CLVS1: variants seen among roughly 807,000 people sequenced by gnomAD.
The protein encoded by CLVS1 is clavesin 1.
In CLVS1, 10 loss-of-function variants were observed where a neutral mutation model predicts 33.1. That is an observed-to-expected ratio of 0.30 (90% CI 0.19 to 0.51). CLVS1 has a LOEUF of 0.51. Ranked by LOEUF, CLVS1 falls within the 20% of genes least tolerant of loss-of-function variation. CLVS1 has a pLI of 0.97. For missense variants in CLVS1, 343 were observed against 433.4 expected, an observed-to-expected ratio of 0.79 and a Z score of 1.85; for synonymous variants, 163 against 166.1, an observed-to-expected ratio of 0.98 and a Z score of 0.14.
intron 2 of CLVS1, among the ~76,000 whole-genome samples, chr8:61,216,229 G>C (rs1241811361): frequency 1.3e-5 from 2 of 152,146 alleles, no homozygotes; most frequent in African/African-American, 4.8e-5. Context: ...TGTTGAAATC[G>C]TTAAGAGCTC....
intron 2 of CLVS1, among the ~76,000 whole-genome samples, chr8:61,141,738 A>G (rs1681835419): frequency 6.6e-6 from 1 of 152,212 alleles, no homozygotes; most frequent in African/African-American, 2.4e-5. Flanking sequence ...ATCTGATTCC[A>G]CATTTCACTT....
intron 5 of CLVS1, among the ~76,000 whole-genome samples, chr8:61,491,108 T>A (rs1804062277): frequency 1.3e-5 from 2 of 152,166 alleles, no homozygotes; most frequent in Non-Finnish European, 2.9e-5. Context: ...TTAAAGCAAA[T>A]GTTGAGATAG....
intron 2 of CLVS1, among the ~76,000 whole-genome samples, chr8:61,336,522 G>A (rs929228820): frequency 1.3e-5 from 2 of 152,110 alleles, no homozygotes; most frequent in African/African-American, 4.8e-5. Context: ...TGGTACAATA[G>A]AAGTGAGCAG....
the CLVS1 span, among the ~76,000 whole-genome samples, chr8:61,000,444 A>C: frequency 6.6e-6 from 1 of 152,182 alleles, no homozygotes; most frequent in Non-Finnish European, 1.5e-5. Context: ...GTTCATGGGC[A>C]AGATGTTGCT....
At chr8:61,120,161 G>A (rs1160981792) in intron 1 of CLVS1, among the ~76,000 whole-genome samples, 116 of 145,226 alleles carry the variant, frequency 8.0e-4, no homozygotes, top group Admixed American at 3.8e-3. Flanking sequence ...CCAGTTGATC[G>A]CATCGGCTCC....
intron 1 of CLVS1, chr8:61,090,746 C>G (rs550343506): frequency 9.6e-5 from 40 of 415,850 alleles, no homozygotes; most frequent in African/African-American, 5.8e-4. Flanking sequence ...GAGCATAAAA[C>G]TTGTTTCCTA....
chr8:61,162,372 G>A (rs954983440), intron 2 of CLVS1, among the ~76,000 whole-genome samples: 1 of 152,214 alleles, frequency 6.6e-6, no homozygotes, highest in African/African-American at 2.4e-5. Flanking sequence ...CAGGGAGTGA[G>A]GGAAAATTGT....
At chr8:61,091,148 A>G (rs1273272090) in intron 1 of CLVS1, among the ~76,000 whole-genome samples, 1 of 152,192 alleles carries the variant, frequency 6.6e-6, no homozygotes, top group Non-Finnish European at 1.5e-5. Flanking sequence ...TGGTCCTTAC[A>G]GGAGGGATGC....
the CLVS1 span, among the ~76,000 whole-genome samples, chr8:60,994,862 A>G: frequency 1.3e-5 from 2 of 152,070 alleles, no homozygotes; most frequent in Non-Finnish European, 2.9e-5. Flanking sequence ...AACGCTGCAT[A>G]TCTACAACTA....
At chr8:61,172,809 C>A (rs1471299091) in intron 2 of CLVS1, among the ~76,000 whole-genome samples, 1 of 152,166 alleles carries the variant, frequency 6.6e-6, no homozygotes, top group Non-Finnish European at 1.5e-5. Context: ...GCTCTCCCAT[C>A]TTTAGTGTGT....
intron 3 of CLVS1, among the ~76,000 whole-genome samples, chr8:61,434,484 AAGGTGGT>A (rs1250618559): frequency 1.3e-5 from 2 of 152,214 alleles, no homozygotes; most frequent in African/African-American, 4.8e-5. Flanking sequence ...ACATGTGCCC[AAGGTGGT>A]TGGGGTATAG....
intron 3 of CLVS1, among the ~76,000 whole-genome samples, chr8:61,438,174 C>T (rs1816410981): frequency 6.6e-6 from 1 of 152,120 alleles, no homozygotes; most frequent in Non-Finnish European, 1.5e-5. Flanking sequence ...GCTCTCTGCT[C>T]GCACCCCCAA....
chr8:61,320,416 A>G (rs1188824764), intron 2 of CLVS1, among the ~76,000 whole-genome samples: 1 of 152,160 alleles, frequency 6.6e-6, no homozygotes, highest in African/African-American at 2.4e-5. Flanking sequence ...TTTCAATGAC[A>G]ATACTGGTTA....
chr8:61,288,786 A>T (rs1277853170), intron 1 of CLVS1, among the ~76,000 whole-genome samples: 2 of 152,214 alleles, frequency 1.3e-5, no homozygotes, highest in Non-Finnish European at 2.9e-5. Flanking sequence ...GGTGGGGGTG[A>T]CCGATGACTC....
chr8:61,165,332 T>C (rs1033659622), intron 2 of CLVS1, among the ~76,000 whole-genome samples: 3 of 152,196 alleles, frequency 2.0e-5, no homozygotes, highest in African/African-American at 4.8e-5. Flanking sequence ...CAAGATTTAA[T>C]AGAGTGAAAT....
chr8:61,162,397 T>G (rs758214010), intron 2 of CLVS1, among the ~76,000 whole-genome samples: 3 of 152,206 alleles, frequency 2.0e-5, no homozygotes, highest in Non-Finnish European at 4.4e-5. Flanking sequence ...GCCTCATAGA[T>G]TTGGCATAGC....
Position 61,446,360 on chromosome 8 carries a change from T to C in CLVS1, c.631-7781T>C, listed in dbSNP as rs1484822738. Among the ~76,000 whole-genome samples, 5 of 152,336 alleles carry C rather than the reference T, an allele frequency of 3.3e-5. No homozygotes were observed. In the East Asian group the frequency reaches 9.6e-4, roughly 29 times the overall value. On this transcript the variant is annotated intron_variant, in intron 3 of 5. Coordinates refer to ENST00000325897, the MANE Select transcript of CLVS1 (RefSeq NM_173519.3). ...ACAAATTTTGATATGTCCTATGTCT[T>C]GATCTGTTTTCTGTTGTTATAACAA...
chr8:61,394,428 G>A (rs1396742870), intron 3 of CLVS1, among the ~76,000 whole-genome samples: 1 of 152,138 alleles, frequency 6.6e-6, no homozygotes, highest in East Asian at 1.9e-4. Flanking sequence ...AGCTAGAAGA[G>A]CATGTAGAGA....
At chr8:61,091,480 C>A (rs999967184) in intron 1 of CLVS1, among the ~76,000 whole-genome samples, 16 of 152,290 alleles carry the variant, frequency 1.1e-4, no homozygotes, top group Middle Eastern at 3.4e-3. Flanking sequence ...CTTTTATATT[C>A]AAAAACTTTA....
Sources: allele counts gnomAD v4.1 joint callset (sites outside exome capture counted in the v4.1 genomes callset), GRCh38; gene constraint gnomAD v4.1.1; transcripts MANE v1.5; gene names NCBI Gene and HGNC (gene_info 2026-07-23, HGNC 2026-07-21).